Variants in ACE observed in about 807,000 individuals in gnomAD.
ACE encodes angiotensin I converting enzyme, also known as angiotensin-converting enzyme.
In ACE, 122 loss-of-function variants were observed where a neutral mutation model predicts 162.3. The observed-to-expected ratio is 0.75, with a 90% confidence interval of 0.65 to 0.87. ACE has a LOEUF of 0.87. Ranked by LOEUF, ACE falls within the 40% of genes least tolerant of loss-of-function variation. The probability of loss-of-function intolerance (pLI) is 0.00; values close to 1 mark genes in which losing one functional copy is unlikely to be tolerated. For missense variants in ACE, 1,799 were observed against 1,735.1 expected (o/e 1.04, Z -0.65); for synonymous variants, 796 against 720.6 (o/e 1.10, Z -1.68).
Position 63,483,567 on chromosome 17 carries a change from G to GCGGGGCGCCCCCCCCCCCCCCCCC in ACE, c.1586+10_1586+11insGGGGCGCCCCCCCCCCCCCCCCCC. On this transcript the variant is annotated intron_variant, in intron 10 of 24. Coordinates refer to ENST00000290866, the MANE Select transcript of ACE (RefSeq NM_000789.4). Reference sequence around the variant, plus strand: ...GTGACACCATACATCAGGTATTAGCGCCCCCACCCCACCCACCCCCAGTAC... The same window carrying GCGGGGCGCCCCCCCCCCCCCCCCC: ...GTGACACCATACATCAGGTATTAGCGCGGGGCGCCCCCCCCCCCCCCCCCCCCCCACCCCACCCACCCCCAGTAC... 6.3e-7 allele frequency: 1 copy of GCGGGGCGCCCCCCCCCCCCCCCCC among 1,589,580 alleles called. No homozygotes were observed. Among genetic ancestry groups the GCGGGGCGCCCCCCCCCCCCCCCCC allele is most frequent in the Non-Finnish European group, 8.6e-7 (1 of 1,165,688 alleles).
intron 5 of ACE, 90 bp from the exon 6 acceptor site, chr17:63,481,001 G>T: frequency 7.7e-7 from 1 of 1,301,152 alleles, no homozygotes; most frequent in Non-Finnish European, 1.1e-6. Context: ...CAGGGTACAG[G>T]TGCCGGCCCC....
chr17:63,485,994 C>T (rs2029910491), intron 13 of ACE, among the ~76,000 whole-genome samples: 1 of 152,106 alleles, frequency 6.6e-6, no homozygotes, highest in African/African-American at 2.4e-5. Context: ...ATAATTTGTA[C>T]ATAAATAAGT....
rs1187875550 is a variant in ACE, at chr17:63,488,805, G to A, written c.2449+14G>A. On this transcript the variant is annotated intron_variant, in intron 16 of 24. Transcript: ENST00000290866. Reference sequence around the variant, plus strand: ...CCCGGCTCAATGGTGAGTCCCTGCTGCCAACATCACTGGCACTTGGGTCCC... The same window carrying A: ...CCCGGCTCAATGGTGAGTCCCTGCTACCAACATCACTGGCACTTGGGTCCC... The A allele has an allele frequency of 6.2e-7, 1 of 1,614,052 alleles. No homozygotes were observed. Among genetic ancestry groups the A allele is most frequent in the South Asian group, 1.1e-5 (1 of 91,084 alleles).
At chr17:63,488,872 G>A in intron 16 of ACE, 69 bp from the exon 17 acceptor site, 1 of 1,613,860 alleles carries the variant, frequency 6.2e-7, no homozygotes, top group South Asian at 1.1e-5. Flanking sequence ...CCAAGCCTAG[G>A]AAAAGGTAGA....
intron 7 of ACE, among the ~76,000 whole-genome samples, chr17:63,482,198 G>A (rs967954514): frequency 6.6e-6 from 1 of 152,136 alleles, no homozygotes; most frequent in African/African-American, 2.4e-5. Context: ...CTACTCAGGA[G>A]GCTGAGGCAG....
intron 21 of ACE, 34 bp from the exon 22 acceptor site, chr17:63,494,338 A>G (rs2030593208): frequency 6.9e-6 from 11 of 1,603,246 alleles, no homozygotes; most frequent in Non-Finnish European, 6.0e-6. Context: ...GTTCTCCCCA[A>G]ACTCATCTTC....
intron 8 of ACE, 61 bp from the exon 9 acceptor site, chr17:63,482,968 C>G: frequency 6.4e-7 from 1 of 1,573,114 alleles, no homozygotes; most frequent in East Asian, 2.2e-5. Context: ...AGCCCACACT[C>G]TTAGGGGACC....
In ACE at chr17:63,477,327, A is replaced by G; in HGVS notation, c.233A>G (p.Glu78Gly). 1.1e-5 allele frequency: 15 copies of G among 1,342,874 alleles called. No homozygotes were observed. The highest frequency in any genetic ancestry group is 1.4e-5 in the Non-Finnish European group (14 of 1,033,824). 83.2% of individuals were successfully genotyped at this position (1,342,874 alleles called of 1,614,324 possible). A position where few individuals can be genotyped will look rare whatever the true frequency, so the allele number is the denominator to read the frequency against. Reference protein sequence around the residue: ...SWAHDTNITAENARRQEEAAL... With the variant: ...SWAHDTNITAGNARRQEEAAL... Reference sequence around the variant, plus strand: ...GCGCACGACACCAACATCACCGCGGAGAATGCAAGGCGCCAGGTGGGCGCC... The same window carrying G: ...GCGCACGACACCAACATCACCGCGGGGAATGCAAGGCGCCAGGTGGGCGCC... The change falls in exon 1 of 25, where the codon GAG becomes GGG. Residue 78 changes from glutamate (E) to glycine (G), a missense_variant. Coordinates refer to ENST00000290866, the MANE Select transcript of ACE (RefSeq NM_000789.4).
chr17:63,494,613 C>A (rs2030617467), intron 22 of ACE, 143 bp downstream of exon 22: 1 of 728,080 alleles, frequency 1.4e-6, no homozygotes, highest in East Asian at 2.7e-5. Flanking sequence ...TGCCTGGGCC[C>A]ACTCACACTG....
intron 13 of ACE, chr17:63,485,790 A>C (rs1017990615): frequency 3.7e-5 from 9 of 241,282 alleles, no homozygotes; most frequent in Non-Finnish European, 7.4e-5. Flanking sequence ...AAAAAAAAAA[A>C]AACTCAATTT....
chr17:63,487,165 C>G (rs1370443310), intron 15 of ACE, 92 bp downstream of exon 15: 1 of 1,093,834 alleles, frequency 9.1e-7, no homozygotes, highest in East Asian at 2.4e-5. Flanking sequence ...GTTGGGTTCC[C>G]CTCGCTCTTG....
Position 63,484,207 on chromosome 17 carries a change from C to G in ACE, c.1710-123C>G. On this transcript the variant is annotated intron_variant, in intron 11 of 24. Transcript: ENST00000290866. The surrounding 1 kb of genome is among the most constrained non-coding windows in gnomAD (Gnocchi z 4.0). ...TCAGAGAGATCCCAGGCCCCAGGGT[C>G]TTATTGCCACAGTTTCTGCAGTCCA... 1 of 1,304,214 alleles carries G rather than the reference C, an allele frequency of 7.7e-7. No homozygotes were observed. The highest frequency in any genetic ancestry group is 1.1e-6 in the Non-Finnish European group (1 of 938,808). 80.8% of individuals were successfully genotyped at this position (1,304,214 alleles called of 1,614,324 possible).
rs560524446 is a variant in ACE at position 63,485,432 on chromosome 17, C to T, written c.2058+60C>T. On this transcript the variant is annotated intron_variant, in intron 13 of 24. Transcript: ENST00000290866. ...TGTGCATACACACAGAGATGCTGTCCCGCTCACCACACAGTGGGGCTGCCA... is the reference window on the plus strand; with the variant it reads ...TGTGCATACACACAGAGATGCTGTCTCGCTCACCACACAGTGGGGCTGCCA... The T allele has an allele frequency of 3.7e-4, 592 of 1,602,144 alleles. 1 individual carries two copies. The highest frequency in any genetic ancestry group is 1.8e-3 in the Middle Eastern group (11 of 6,048).
In ACE at chr17:63,490,484, C is replaced by T. The variant is rs989593632; in HGVS notation, c.2642-470C>T. 5 of 213,720 alleles carry T rather than the reference C, an allele frequency of 2.3e-5. No homozygotes were observed. The East Asian group carries it at 3.6e-4, about 15-fold the overall frequency. 13.2% of individuals were successfully genotyped at this position (213,720 alleles called of 1,614,324 possible). A position where few individuals can be genotyped will look rare whatever the true frequency, so the allele number is the denominator to read the frequency against. On this transcript the variant is annotated intron_variant, in intron 17 of 24. Coordinates refer to ENST00000290866, the MANE Select transcript of ACE (RefSeq NM_000789.4). Reference sequence around the variant, plus strand: ...CTGCCACTTAGGAGCCGTGGGCCCCCGGCGAGGGGGGCGGTCACTTAACTC... The same window carrying T: ...CTGCCACTTAGGAGCCGTGGGCCCCTGGCGAGGGGGGCGGTCACTTAACTC...
At position 63,486,728 on chromosome 17, in the gene ACE, C is replaced by A; in HGVS notation, c.2217+13C>A. On this transcript the variant is annotated intron_variant, in intron 14 of 24. Coordinates refer to ENST00000290866, the MANE Select transcript of ACE (RefSeq NM_000789.4). Reference sequence around the variant, plus strand: ...GGAGCTGGAGGAGGTGTGTGGCTCGCAAGGTACAGGGAGAGGGGAATCCTG... The same window carrying A: ...GGAGCTGGAGGAGGTGTGTGGCTCGAAAGGTACAGGGAGAGGGGAATCCTG... 1 of 1,614,122 alleles carries A rather than the reference C, an allele frequency of 6.2e-7. No homozygotes were observed. Among genetic ancestry groups the A allele is most frequent in the Non-Finnish European group, 8.5e-7 (1 of 1,180,012 alleles).
At chr17:63,486,499 G>A (rs926153498) in intron 13 of ACE, 58 bp from the exon 14 acceptor site, 30 of 1,602,054 alleles carry the variant, frequency 1.9e-5, no homozygotes, top group Admixed American at 6.8e-5. Context: ...GGGGCCTCCC[G>A]CTCAGAGGCT....
chr17:63,483,564 A>AGCGCGGGGGGGGG lies in ACE; in HGVS notation c.1586+10_1586+11insGGGGGGGGGGCGC. The stretch of plus-strand genomic sequence containing the variant: ...AATGTGACACCATACATCAGGTATT[A>AGCGCGGGGGGGGG]GCGCCCCCACCCCACCCACCCCCAG... On this transcript the variant is annotated splice_region_variant and intron_variant, in intron 10 of 24. Coordinates refer to ENST00000290866, the MANE Select transcript of ACE (RefSeq NM_000789.4). 6.2e-7 allele frequency: 1 copy of AGCGCGGGGGGGGG among 1,607,078 alleles called. No homozygotes were observed. Among genetic ancestry groups the AGCGCGGGGGGGGG allele is most frequent in the Non-Finnish European group, 8.5e-7 (1 of 1,175,084 alleles).
At position 63,488,587 on chromosome 17, in the gene ACE, C is replaced by T. The variant is rs780702227; in HGVS notation, c.2306-61C>T. On this transcript the variant is annotated intron_variant, in intron 15 of 24. Transcript: ENST00000290866. ...TATTCCAGCTCTGAAATTCTCTGAG[C>T]TCCCCTTACAAGCAGAGGTGAGCTA... 5 of 1,558,532 alleles carry T rather than the reference C, an allele frequency of 3.2e-6. No individual in the cohort carries two copies. In the South Asian group the frequency reaches 4.5e-5, roughly 14 times the overall value.
chr17:63,489,110 G>A lies in ACE; in HGVS notation c.2619G>A (p.Gly873=). 4 of 1,611,116 alleles carry A rather than the reference G, an allele frequency of 2.5e-6. No homozygotes were observed. Among genetic ancestry groups the A allele is most frequent in the Non-Finnish European group, 3.4e-6 (4 of 1,180,012 alleles). The change falls in exon 17 of 25, where the codon GGG becomes GGA. Residue 873 remains glycine (G), a synonymous_variant. Transcript: ENST00000290866. ...GGGCCCAGCACATCAACCTGGAGGG[G>A]CCCATTCCTGCTCACCTGCTGGGTA... ...HYGAQHINLE[G]PIPAHLLGNM...
Sources: gnomAD v4.1 joint callset for allele counts (sites outside exome capture counted in the v4.1 genomes callset) on GRCh38, gnomAD v4.1.1 for gene constraint, Gnocchi (gnomAD v3.1) non-coding constraint, MANE v1.5 for transcripts, NCBI Gene and HGNC (gene_info 2026-07-23, HGNC 2026-07-21) for gene names.